The following PTPRM variants were observed in gnomAD, a reference collection of about 807,000 sequenced individuals.
PTPRM encodes protein tyrosine phosphatase receptor type M.
A neutral mutation model predicts 186.7 loss-of-function variants in PTPRM; 47 were observed. The ratio of observed to expected loss-of-function variants is 0.25; its 90% CI spans 0.20 to 0.32. The LOEUF (loss-of-function observed/expected upper bound fraction) is 0.32, where lower values mean the gene tolerates loss of function less well. PTPRM is among the 10% of genes least tolerant of loss of function. PTPRM has a pLI of 1.00. For missense variants in PTPRM, 1,494 were observed against 1,865.0 expected, an observed-to-expected ratio of 0.80 and a Z score of 3.66; for synonymous variants, 668 against 674.9, an observed-to-expected ratio of 0.99 and a Z score of 0.16.
chr18:7,749,146 A>G (rs1226540476), intron 1 of PTPRM: 1 of 152,206 alleles, frequency 6.6e-6, no homozygotes, highest in Non-Finnish European at 1.5e-5. Flanking sequence ...AGTCTCATGA[A>G]GAACCAAGGG....
chr18:8,358,396 T>C (rs2095576585), intron 23 of PTPRM, among the ~76,000 whole-genome samples: 1 of 152,248 alleles, frequency 6.6e-6, no homozygotes, highest in African/African-American at 2.4e-5. Context: ...TCTCTTGTTC[T>C]GAATTCTGGT....
At chr18:7,890,004 C>A (rs1352419803) in intron 3 of PTPRM, among the ~76,000 whole-genome samples, 1 of 152,208 alleles carries the variant, frequency 6.6e-6, no homozygotes, top group African/African-American at 2.4e-5. Context: ...GTCTGCCCTT[C>A]TGTGGGGGAT....
At chr18:7,597,587 G>A (rs2037297865) in intron 1 of PTPRM, among the ~76,000 whole-genome samples, 1 of 152,078 alleles carries the variant, frequency 6.6e-6, no homozygotes, top group Non-Finnish European at 1.5e-5. Context: ...TTCTTAAAAA[G>A]TCACTTTTTG....
chr18:7,882,411 A>G (rs2146294167), intron 2 of PTPRM, among the ~76,000 whole-genome samples: 1 of 152,278 alleles, frequency 6.6e-6, no homozygotes, highest in South Asian at 2.1e-4. Context: ...GTATCTGCAT[A>G]GGTCAGATGA....
chr18:8,216,478 AGG>A (rs2094088032), intron 14 of PTPRM, among the ~76,000 whole-genome samples: 1 of 152,224 alleles, frequency 6.6e-6, no homozygotes, highest in Non-Finnish European at 1.5e-5. Context: ...TCATCCTGTA[AGG>A]CGAAGAAAAC....
intron 1 of PTPRM, among the ~76,000 whole-genome samples, chr18:7,648,819 A>T (rs1453046929): frequency 6.6e-6 from 1 of 152,046 alleles, no homozygotes. Context: ...AGAATCTGTT[A>T]TCCAGATTCT....
chr18:7,922,287 C>T (rs2050912041), intron 4 of PTPRM, among the ~76,000 whole-genome samples: 3 of 152,208 alleles, frequency 2.0e-5, no homozygotes. Context: ...TCTGATTTGG[C>T]ATCCCTTTGG....
chr18:8,080,041 G>T (rs2090042697), intron 9 of PTPRM, among the ~76,000 whole-genome samples: 1 of 152,196 alleles, frequency 6.6e-6, no homozygotes, highest in African/African-American at 2.4e-5. Flanking sequence ...CCTTACTAAT[G>T]ATTGAGAAAT....
At position 8,143,660 on chromosome 18, in the gene PTPRM, G is replaced by T. The variant is rs767805849; in HGVS notation, c.2181G>T (p.Pro727=). The T allele has an allele frequency of 1.9e-6, 3 of 1,600,898 alleles. No individual in the cohort carries two copies. The highest frequency in any genetic ancestry group is 1.3e-5 in the African/African-American group (1 of 74,514). ...VQVATKGAAT[P]KPVPEPEKQT... ...TTTCATCTTCAGGAGCTGCCACTCC[G>T]AAACCAGTCCCAGAACCCGAGAAAC... Residue 727 remains proline (P), a synonymous_variant, in exon 14 of 33, where the codon CCG becomes CCT. Coordinates refer to ENST00000580170, the MANE Select transcript of PTPRM (RefSeq NM_001105244.2).
At chr18:8,151,894 C>T (rs2093016199) in intron 14 of PTPRM, among the ~76,000 whole-genome samples, 1 of 151,976 alleles carries the variant, frequency 6.6e-6, no homozygotes, top group African/African-American at 2.4e-5. Context: ...TCACGGCTTC[C>T]CTTGGGTAGG....
At chr18:7,997,764 C>T (rs371275278) in intron 7 of PTPRM, among the ~76,000 whole-genome samples, 1 of 152,104 alleles carries the variant, frequency 6.6e-6, no homozygotes, top group South Asian at 2.1e-4. Flanking sequence ...TGGCCTGCAG[C>T]TGTACGAAAA....
chr18:8,020,963 C>T (rs2085181270), intron 7 of PTPRM, among the ~76,000 whole-genome samples: 1 of 152,166 alleles, frequency 6.6e-6, no homozygotes, highest in Admixed American at 6.5e-5. Flanking sequence ...TCCAGTGGCA[C>T]ATTCCAAGCC....
intron 7 of PTPRM, among the ~76,000 whole-genome samples, chr18:8,032,299 GAAAT>G (rs1342731483): frequency 2.6e-5 from 4 of 152,112 alleles, no homozygotes; most frequent in Non-Finnish European, 5.9e-5. Context: ...TTATGCATAT[GAAAT>G]AAATTATTAT....
intron 1 of PTPRM, among the ~76,000 whole-genome samples, chr18:7,756,321 CCT>C (rs1249745441): frequency 6.6e-6 from 1 of 152,176 alleles, no homozygotes; most frequent in Non-Finnish European, 1.5e-5. Context: ...CAGTGTATTG[CCT>C]CTCCAAGTGC....
chr18:7,693,047 G>T (rs1012741127), intron 1 of PTPRM, among the ~76,000 whole-genome samples: 1 of 152,174 alleles, frequency 6.6e-6, no homozygotes, highest in East Asian at 1.9e-4. Flanking sequence ...AAATGCTTAC[G>T]TGTTGTGTAG....
chr18:8,052,259 G>T (rs1218022750), intron 7 of PTPRM, among the ~76,000 whole-genome samples: 2 of 152,086 alleles, frequency 1.3e-5, no homozygotes, highest in East Asian at 3.9e-4. Flanking sequence ...TTCATCACAG[G>T]CCCAACAAAT....
intron 1 of PTPRM, among the ~76,000 whole-genome samples, chr18:7,645,590 A>G (rs1033554097): frequency 6.6e-6 from 1 of 152,260 alleles, no homozygotes; most frequent in African/African-American, 2.4e-5. Context: ...TAAACTGTGT[A>G]GCCTCAGAAG....
intron 5 of PTPRM, among the ~76,000 whole-genome samples, chr18:7,944,155 G>A (rs1281147284): frequency 6.6e-6 from 1 of 152,166 alleles, no homozygotes; most frequent in Non-Finnish European, 1.5e-5. Flanking sequence ...CACTGAGGCT[G>A]TGATTCCTAG....
chr18:8,111,242 T>C (rs1216406891), intron 11 of PTPRM, among the ~76,000 whole-genome samples: 1 of 152,206 alleles, frequency 6.6e-6, no homozygotes, highest in Non-Finnish European at 1.5e-5. Flanking sequence ...CCAGAAGTTG[T>C]TTTTAAGTTG....
Sources: allele counts gnomAD v4.1 joint callset (sites outside exome capture counted in the v4.1 genomes callset), GRCh38; gene constraint gnomAD v4.1.1; transcripts MANE v1.5; gene names NCBI Gene and HGNC (gene_info 2026-07-23, HGNC 2026-07-21).